The following RAP1A variants were observed in gnomAD, a reference collection of about 807,000 sequenced individuals.
RAP1A encodes the protein ras-related protein Rap-1A.
Under a neutral mutation model 26.4 loss-of-function variants are expected in RAP1A, and 6 were observed. That is an observed-to-expected ratio of 0.23 (90% confidence interval 0.12 to 0.45). RAP1A has a LOEUF of 0.45. RAP1A is among the 20% of genes least tolerant of loss of function. RAP1A has a pLI of 0.99. For synonymous variants in RAP1A, 73 were observed against 79.4 expected, an observed-to-expected ratio of 0.92 and a Z score of 0.43; for missense variants, 121 against 217.2, an observed-to-expected ratio of 0.56 and a Z score of 2.78.
At chr1:111,704,620 A>T in intron 6 of RAP1A, 134 bp downstream of exon 6, 1 of 945,388 alleles carries the variant, frequency 1.1e-6, no homozygotes, top group Non-Finnish European at 1.5e-6. Flanking sequence ...ACACTAAGTA[A>T]TTCCTGGAAA....
chr1:111,563,101 CA>C (rs894504294), intron 1 of RAP1A, among the ~76,000 whole-genome samples: 9 of 152,068 alleles, frequency 5.9e-5, no homozygotes, highest in African/African-American at 2.2e-4. Flanking sequence ...AGTAAGTAAG[CA>C]AAACTAACTT....
intron 1 of RAP1A, among the ~76,000 whole-genome samples, chr1:111,680,130 TC>T (rs915258223): frequency 6.6e-6 from 1 of 152,184 alleles, no homozygotes; most frequent in African/African-American, 2.4e-5. Context: ...GTTGGTTCCT[TC>T]CGGTGGGTTC....
intron 1 of RAP1A, among the ~76,000 whole-genome samples, chr1:111,558,379 G>T (rs1383084335): frequency 2.6e-5 from 4 of 151,452 alleles, no homozygotes; most frequent in African/African-American, 9.7e-5. Context: ...TTAAGACAGG[G>T]TTTTGCCATG....
chr1:111,649,194 T>A, intron 1 of RAP1A: 6 of 518,262 alleles, frequency 1.2e-5, no homozygotes, highest in Non-Finnish European at 2.3e-5. Context: ...GGTCTTGAAG[T>A]AATGGCCCCA....
intron 1 of RAP1A, among the ~76,000 whole-genome samples, chr1:111,579,252 C>A (rs976741483): frequency 6.6e-6 from 1 of 152,168 alleles, no homozygotes; most frequent in Non-Finnish European, 1.5e-5. Flanking sequence ...TATCCTGAGA[C>A]TAACTAGGGC....
In RAP1A at chr1:111,712,785, A is replaced by G. The variant is rs1662424966; in HGVS notation, c.*384A>G. ...TGATCCTCCCTATCAAGCACTAAAA[A>G]GTTGAACCATTATACTTTATATCTG... On this transcript the variant is annotated 3_prime_UTR_variant, in exon 8 of 8. Coordinates refer to ENST00000369709, the MANE Select transcript of RAP1A (RefSeq NM_002884.4). 1 of 152,542 alleles carries G rather than the reference A, an allele frequency of 6.6e-6. No individual in the cohort carries two copies. Among genetic ancestry groups the G allele is most frequent in the Non-Finnish European group, 1.5e-5 (1 of 67,948 alleles). 9.4% of individuals were successfully genotyped at this position (152,542 alleles called of 1,614,324 possible).
chr1:111,604,935 G>A (rs1457762214), intron 1 of RAP1A, among the ~76,000 whole-genome samples: 1 of 152,124 alleles, frequency 6.6e-6, no homozygotes, highest in Admixed American at 6.6e-5. Context: ...GAGGTCTTTT[G>A]GGAGAGGAAG....
chr1:111,615,667 C>G (rs527842414), upstream of RAP1A, among the ~76,000 whole-genome samples: 93 of 151,890 alleles, frequency 6.1e-4, no homozygotes, highest in African/African-American at 2.1e-3. Flanking sequence ...CCCGCCTCTA[C>G]TAAAAATAAA....
intron 1 of RAP1A, among the ~76,000 whole-genome samples, chr1:111,660,398 C>G (rs1314466787): frequency 2.0e-5 from 3 of 151,480 alleles, no homozygotes; most frequent in African/African-American, 7.3e-5. Context: ...TGGCATTTAT[C>G]TTGGTTAGTG....
upstream of RAP1A, among the ~76,000 whole-genome samples, chr1:111,615,851 A>G (rs1659004944): frequency 6.8e-6 from 1 of 146,500 alleles, no homozygotes; most frequent in South Asian, 2.2e-4. Flanking sequence ...AAAAAAAAAA[A>G]TTTACTTCCT....
At chr1:111,609,887 G>C (rs1252752426) in intron 1 of RAP1A, among the ~76,000 whole-genome samples, 4 of 152,162 alleles carry the variant, frequency 2.6e-5, no homozygotes, top group African/African-American at 9.7e-5. Context: ...TCAAAATCCT[G>C]ACCTCATGTG....
chr1:111,611,975 T>A (rs1404853465), intron 1 of RAP1A, among the ~76,000 whole-genome samples: 1 of 152,012 alleles, frequency 6.6e-6, no homozygotes, highest in African/African-American at 2.4e-5. Context: ...GATATCCATA[T>A]ATTTGGGTTG....
At chr1:111,633,556 C>G (rs2101107504) in intron 1 of RAP1A, among the ~76,000 whole-genome samples, 1 of 152,194 alleles carries the variant, frequency 6.6e-6, no homozygotes, top group East Asian at 1.9e-4. Flanking sequence ...CTTTTTCGTT[C>G]AACTGGTAAG....
At chr1:111,615,035 G>T (rs1203069218), upstream of RAP1A, among the ~76,000 whole-genome samples, 1 of 152,122 alleles carries the variant, frequency 6.6e-6, no homozygotes, top group Non-Finnish European at 1.5e-5. Context: ...GTTTGATAGA[G>T]GGAATGGAAG....
chr1:111,667,777 C>A (rs1660840493), intron 1 of RAP1A, among the ~76,000 whole-genome samples: 1 of 151,866 alleles, frequency 6.6e-6, no homozygotes, highest in East Asian at 1.9e-4. Flanking sequence ...CATTTTACAA[C>A]TGGAAACCTA....
At chr1:111,557,028 T>G (rs1657520832) in intron 1 of RAP1A, among the ~76,000 whole-genome samples, 1 of 152,066 alleles carries the variant, frequency 6.6e-6, no homozygotes, top group South Asian at 2.1e-4. Context: ...AAAGAATCCC[T>G]CATAAAACAA....
At chr1:111,562,988 C>T (rs988367297) in intron 1 of RAP1A, among the ~76,000 whole-genome samples, 3 of 152,222 alleles carry the variant, frequency 2.0e-5, no homozygotes, top group African/African-American at 7.2e-5. Context: ...TTTTGAAATT[C>T]TCACAACAGC....
chr1:111,593,324 A>G (rs79512422), intron 1 of RAP1A, among the ~76,000 whole-genome samples: 1 of 152,240 alleles, frequency 6.6e-6, no homozygotes, highest in Non-Finnish European at 1.5e-5. Context: ...GGAACCTGCA[A>G]TGATATTGCT....
intron 1 of RAP1A, among the ~76,000 whole-genome samples, chr1:111,590,214 T>G (rs1167098038): frequency 1.3e-5 from 2 of 152,246 alleles, no homozygotes; most frequent in African/African-American, 4.8e-5. Flanking sequence ...TCACATTGAT[T>G]GTGAATACTG....
Sources: gnomAD v4.1 joint callset for allele counts (sites outside exome capture counted in the v4.1 genomes callset) on GRCh38, gnomAD v4.1.1 for gene constraint, MANE v1.5 for transcripts, NCBI Gene and HGNC (gene_info 2026-07-23, HGNC 2026-07-21) for gene names.